Variants in ADRA1A observed in about 807,000 individuals in gnomAD.
ADRA1A encodes the protein alpha-1A adrenergic receptor.
Under a neutral mutation model 29.6 loss-of-function variants are expected in ADRA1A, and 31 were observed. The observed-to-expected ratio is 1.05, with a 90% CI of 0.79 to 1.41. ADRA1A has a LOEUF of 1.41. Among genes scored for constraint, ADRA1A ranks in the 40% most tolerant of loss-of-function variants. The probability of loss-of-function intolerance (pLI) is 0.00; values close to 1 mark genes in which losing one functional copy is unlikely to be tolerated. For missense variants in ADRA1A, 619 were observed against 601.1 expected, an observed-to-expected ratio of 1.03 and a Z score of -0.31; for synonymous variants, 311 against 254.3, an observed-to-expected ratio of 1.22 and a Z score of -2.12.
Position 26,796,573 on chromosome 8 carries a change from G to A in ADRA1A, c.884-25907C>T, listed in dbSNP as rs1020551733. ...GCCTACAGTACCGTGAAGACAAGGA[G>A]GAAAGATTCGAGGACAAATGTATCC... On this transcript the variant is annotated intron_variant, in intron 2 of 2. Coordinates refer to ENST00000380573, the MANE Select transcript of ADRA1A (RefSeq NM_000680.4). The surrounding 1 kb of genome is among the most constrained non-coding windows in gnomAD (Gnocchi z 5.0). Among the ~76,000 whole-genome samples the A allele has an allele frequency of 2.0e-5, 3 of 152,050 alleles. No individual in the cohort carries two copies. Among genetic ancestry groups the A allele is most frequent in the Non-Finnish European group, 1.5e-5 (1 of 68,008 alleles).
chr8:26,802,763 A>G (rs1320407210), intron 2 of ADRA1A, among the ~76,000 whole-genome samples: 1 of 152,202 alleles, frequency 6.6e-6, no homozygotes, highest in Non-Finnish European at 1.5e-5. Flanking sequence ...TTGAGGAGAC[A>G]TCTGCATTCC....
rs144694784 is a variant in ADRA1A at position 26,816,194 on chromosome 8, G to A, written c.884-45528C>T. Among the ~76,000 whole-genome samples the A allele has an allele frequency of 8.5e-5, 13 of 152,280 alleles. No homozygotes were observed. The East Asian group carries it at 2.5e-3, about 29-fold the overall frequency. ...TTCCTATATTTCCTTTGGAACAAAAGCCTTAAATTGGTGTGGGAAGGACAC... is the reference window on the plus strand; with the variant it reads ...TTCCTATATTTCCTTTGGAACAAAAACCTTAAATTGGTGTGGGAAGGACAC... On this transcript the variant is annotated intron_variant, in intron 2 of 2. Coordinates refer to ENST00000380573, the MANE Select transcript of ADRA1A (RefSeq NM_000680.4).
intron 2 of ADRA1A, among the ~76,000 whole-genome samples, chr8:26,772,393 C>A (rs1027172290): frequency 6.6e-6 from 1 of 152,182 alleles, no homozygotes; most frequent in Non-Finnish European, 1.5e-5. Context: ...TCTTGACTTT[C>A]CTTCCACCTC....
chr8:26,790,494 G>C (rs1054854541), intron 2 of ADRA1A, among the ~76,000 whole-genome samples: 1 of 152,094 alleles, frequency 6.6e-6, no homozygotes, highest in Admixed American at 6.5e-5. Context: ...TTGGGTAAAG[G>C]ATACAAAATT....
At chr8:26,824,156 T>C (rs372257950) in intron 2 of ADRA1A, among the ~76,000 whole-genome samples, 14 of 152,210 alleles carry the variant, frequency 9.2e-5, no homozygotes, top group African/African-American at 3.4e-4. Flanking sequence ...AAAGGATATA[T>C]AATATTTTTC....
rs780627003 is a variant in ADRA1A, at chr8:26,787,766, T to G, written c.884-17100A>C. The stretch of plus-strand genomic sequence containing the variant: ...TTGTTCCCTTTTCTGTGCCTCAGTT[T>G]CCTGGCACACGTAAGTTCAGTGTCT... On this transcript the variant is annotated intron_variant, in intron 2 of 2. Coordinates refer to ENST00000380573, the MANE Select transcript of ADRA1A (RefSeq NM_000680.4). The surrounding 1 kb of genome is among the most constrained non-coding windows in gnomAD (Gnocchi z 4.2). Among the ~76,000 whole-genome samples, 2 of 152,162 alleles carry G rather than the reference T, an allele frequency of 1.3e-5. No individual in the cohort carries two copies. Among genetic ancestry groups the G allele is most frequent in the Non-Finnish European group, 2.9e-5 (2 of 68,030 alleles).
intron 2 of ADRA1A, among the ~76,000 whole-genome samples, chr8:26,791,462 T>C (rs1379960648): frequency 2.0e-5 from 3 of 152,166 alleles, no homozygotes; most frequent in African/African-American, 4.8e-5. Context: ...GCGATGATGA[T>C]GGCAGTAAAT....
intron 2 of ADRA1A, among the ~76,000 whole-genome samples, chr8:26,751,292 G>A (rs1411363721): frequency 6.6e-6 from 1 of 152,114 alleles, no homozygotes; most frequent in Non-Finnish European, 1.5e-5. Context: ...CATGTGGGGA[G>A]TGAGTACGAA....
chr8:26,810,662 T>G (rs956838063), intron 2 of ADRA1A, among the ~76,000 whole-genome samples: 1 of 152,184 alleles, frequency 6.6e-6, no homozygotes, highest in Non-Finnish European at 1.5e-5. Flanking sequence ...ACTGGAGAGC[T>G]GGCACAGGAC....
chr8:26,776,058 C>A (rs1806525157), intron 2 of ADRA1A, among the ~76,000 whole-genome samples: 2 of 152,286 alleles, frequency 1.3e-5, no homozygotes, highest in Non-Finnish European at 1.5e-5. Context: ...CTAGAGTCAC[C>A]TTTTACAGTT....
intron 2 of ADRA1A, among the ~76,000 whole-genome samples, chr8:26,851,866 G>T (rs1424706788): frequency 6.6e-6 from 1 of 151,988 alleles, no homozygotes. Context: ...ATAGATAATG[G>T]TAAGATAAAT....
intron 2 of ADRA1A, among the ~76,000 whole-genome samples, chr8:26,844,244 T>A (rs1812041999): frequency 6.6e-6 from 1 of 152,346 alleles, no homozygotes; most frequent in South Asian, 2.1e-4. Flanking sequence ...GAGTTCAGAT[T>A]GAGTTCACTG....
In ADRA1A at chr8:26,831,009, C is replaced by A. The variant is rs977389560; in HGVS notation, c.883+33078G>T. Among the ~76,000 whole-genome samples, 2 of 152,136 alleles carry A rather than the reference C, an allele frequency of 1.3e-5. No individual in the cohort carries two copies. Among genetic ancestry groups the A allele is most frequent in the Admixed American group, 1.3e-4 (2 of 15,276 alleles). ...AAGTGTCTTTGTTCTCATGGATGCA[C>A]TGTTACTTCCTGGACTTTGGGGGAC... On this transcript the variant is annotated intron_variant, in intron 2 of 2. Coordinates refer to ENST00000380573, the MANE Select transcript of ADRA1A (RefSeq NM_000680.4). This position sits in a 1 kb window ranked among gnomAD's most constrained non-coding sequence, Gnocchi z 5.2.
At chr8:26,749,822 G>A (rs1214619037) in intron 2 of ADRA1A, among the ~76,000 whole-genome samples, 1 of 152,180 alleles carries the variant, frequency 6.6e-6, no homozygotes, top group Non-Finnish European at 1.5e-5. Context: ...TAGTGGGCAA[G>A]ATTCCACTCT....
chr8:26,778,303 G>C (rs1013521797), intron 2 of ADRA1A, among the ~76,000 whole-genome samples: 13 of 152,038 alleles, frequency 8.6e-5, no homozygotes, highest in African/African-American at 2.9e-4. Context: ...TAAATAATTT[G>C]ATTTGAAACA....
Position 26,829,884 on chromosome 8 carries a change from C to T in ADRA1A, c.883+34203G>A, listed in dbSNP as rs180999668. On this transcript the variant is annotated intron_variant, in intron 2 of 2. Transcript: ENST00000380573. ...AACATGAAAATCCTTAGCTAAGGTACAAACAAGCCAAGTAGAGGTCAACAC... is the reference window on the plus strand; with the variant it reads ...AACATGAAAATCCTTAGCTAAGGTATAAACAAGCCAAGTAGAGGTCAACAC... Among the ~76,000 whole-genome samples the T allele has an allele frequency of 5.4e-5, 7 of 130,734 alleles. No individual in the cohort carries two copies. The Admixed American group carries it at 5.9e-4, about 11-fold the overall frequency. 85.8% of individuals were successfully genotyped at this position (130,734 alleles called of 152,430 possible). A position where few individuals can be genotyped will look rare whatever the true frequency, so the allele number is the denominator to read the frequency against.
At chr8:26,800,890 T>C (rs147119448) in intron 2 of ADRA1A, among the ~76,000 whole-genome samples, 5 of 152,224 alleles carry the variant, frequency 3.3e-5, no homozygotes, top group Non-Finnish European at 7.4e-5. Flanking sequence ...AAAACACTTG[T>C]AGTCCAAATT....
chr8:26,857,605 G>C (rs1355115767), intron 2 of ADRA1A, among the ~76,000 whole-genome samples: 1 of 152,164 alleles, frequency 6.6e-6, no homozygotes, highest in African/African-American at 2.4e-5. Context: ...CGAGGCCGCA[G>C]TGAGCTATGA....
At chr8:26,808,971 C>T (rs1031168377) in intron 2 of ADRA1A, among the ~76,000 whole-genome samples, 1 of 152,132 alleles carries the variant, frequency 6.6e-6, no homozygotes, top group Non-Finnish European at 1.5e-5. Flanking sequence ...AGAAAGTGTA[C>T]ATTGCTGTTT....
Sources: gnomAD v4.1 joint callset for allele counts (sites outside exome capture counted in the v4.1 genomes callset) on GRCh38, gnomAD v4.1.1 for gene constraint, Gnocchi (gnomAD v3.1) non-coding constraint, MANE v1.5 for transcripts, NCBI Gene and HGNC (gene_info 2026-07-23, HGNC 2026-07-21) for gene names.